Variants in DPP6 observed in about 807,000 individuals in gnomAD.
The protein encoded by DPP6 is A-type potassium channel modulatory protein DPP6.
Under a neutral mutation model 122.6 loss-of-function variants are expected in DPP6, and 69 were observed. The observed-to-expected ratio is 0.56, with a 90% CI of 0.46 to 0.69. The LOEUF (loss-of-function observed/expected upper bound fraction) is 0.69, where lower values mean the gene tolerates loss of function less well. Among genes scored for constraint, DPP6 ranks in the 30% least tolerant of loss-of-function variants. DPP6 has a pLI of 0.00. For missense variants in DPP6, 928 were observed against 1,116.9 expected, an observed-to-expected ratio of 0.83 and a Z score of 2.41; for synonymous variants, 418 against 433.1, an observed-to-expected ratio of 0.97 and a Z score of 0.43.
chr7:154,022,232 G>A (rs572920746), intron 1 of DPP6, among the ~76,000 whole-genome samples: 2 of 152,264 alleles, frequency 1.3e-5, no homozygotes, highest in East Asian at 1.9e-4. Context: ...AAATTATTAT[G>A]AGTTGTCACC....
At chr7:154,106,925 G>A in intron 1 of DPP6, among the ~76,000 whole-genome samples, 1 of 152,092 alleles carries the variant, frequency 6.6e-6, no homozygotes, top group Non-Finnish European at 1.5e-5. Flanking sequence ...AGTGAATGTG[G>A]ACCATAACAA....
chr7:154,787,581 TA>T (rs1427506529), intron 10 of DPP6, among the ~76,000 whole-genome samples: 1 of 152,196 alleles, frequency 6.6e-6, no homozygotes, highest in African/African-American at 2.4e-5. Context: ...TATTTCTTCT[TA>T]TATGCGAACT....
At chr7:154,634,848 G>A (rs1402965407) in intron 5 of DPP6, among the ~76,000 whole-genome samples, 1 of 152,178 alleles carries the variant, frequency 6.6e-6, no homozygotes, top group Non-Finnish European at 1.5e-5. Context: ...AAAGATGAAT[G>A]TAAAGATGTA....
intron 1 of DPP6, among the ~76,000 whole-genome samples, chr7:154,043,227 C>T (rs909944216): frequency 6.6e-6 from 1 of 151,772 alleles, no homozygotes; most frequent in Non-Finnish European, 1.5e-5. Flanking sequence ...GTCTCTACCC[C>T]AGCTAAAAAT....
intron 1 of DPP6, among the ~76,000 whole-genome samples, chr7:154,120,411 A>T (rs1383207002): frequency 6.6e-6 from 1 of 151,612 alleles, no homozygotes; most frequent in South Asian, 2.1e-4. Flanking sequence ...TGCCCAGCTA[A>T]TTTTTTTTAT....
chr7:153,928,497 C>T (rs1448594317), intron 1 of DPP6, among the ~76,000 whole-genome samples: 2 of 148,020 alleles, frequency 1.4e-5, no homozygotes, highest in Non-Finnish European at 3.0e-5. Flanking sequence ...CCACCTCAGC[C>T]TCCCAAAGCA....
intron 1 of DPP6, among the ~76,000 whole-genome samples, chr7:154,362,394 T>A (rs778017021): frequency 2.6e-5 from 4 of 152,090 alleles, no homozygotes; most frequent in Non-Finnish European, 4.4e-5. Context: ...TACCACTGCC[T>A]CCCTAGCAAT....
At chr7:154,816,745 A>G (rs902410893) in intron 16 of DPP6, among the ~76,000 whole-genome samples, 5 of 152,226 alleles carry the variant, frequency 3.3e-5, no homozygotes, top group African/African-American at 1.2e-4. Flanking sequence ...AAGTCAATGA[A>G]GCAGCATCCC....
At chr7:154,705,367 C>A (rs1563123383) in intron 7 of DPP6, among the ~76,000 whole-genome samples, 3 of 152,166 alleles carry the variant, frequency 2.0e-5, no homozygotes, top group Non-Finnish European at 4.4e-5. Context: ...TCCTGCTTTC[C>A]CTTTTCTGTA....
chr7:154,558,113 C>A (rs528329721), intron 4 of DPP6, among the ~76,000 whole-genome samples: 8 of 152,114 alleles, frequency 5.3e-5, no homozygotes, highest in South Asian at 2.1e-4. Flanking sequence ...TCCACCCCCC[C>A]ACAGGCCCCA....
In DPP6 at chr7:154,625,530, G is replaced by A. The variant is rs140127379; in HGVS notation, c.628-12291G>A. On this transcript the variant is annotated intron_variant, in intron 5 of 25. Transcript: ENST00000377770. The stretch of plus-strand genomic sequence containing the variant: ...TGTCTTTGTATGGTTGTAATTAAGC[G>A]CCAAATGATGTCCTCCATTCCCTTA... Among the ~76,000 whole-genome samples, 72 of 152,294 alleles carry A rather than the reference G, an allele frequency of 4.7e-4. 2 individuals carry two copies. The East Asian group carries it at 0.013, about 27-fold the overall frequency.
chr7:154,838,512 G>A (rs981388284), intron 16 of DPP6: 4 of 152,248 alleles, frequency 2.6e-5, no homozygotes, highest in African/African-American at 7.2e-5. Flanking sequence ...AAGAGCCACC[G>A]TGGAATAGCA....
chr7:154,142,841 C>T (rs1209208387), intron 1 of DPP6, among the ~76,000 whole-genome samples: 3 of 140,736 alleles, frequency 2.1e-5, no homozygotes, highest in Non-Finnish European at 4.6e-5. Context: ...TGGGGAAAAA[C>T]AGAGTTGTCT....
At position 154,827,154 on chromosome 7, in the gene DPP6, G is replaced by A. The variant is rs1198566780; in HGVS notation, c.1666+20042G>A. On this transcript the variant is annotated intron_variant, in intron 16 of 25. Transcript: ENST00000377770. ...AAACTATTTTTAAATCAGATGTTAC[G>A]GGCATATGAGATACATAATCTACAC... 3.3e-5 allele frequency among the ~76,000 whole-genome samples: 5 copies of A among 149,924 alleles called. No individual in the cohort carries two copies. The East Asian group carries it at 5.8e-4, about 18-fold the overall frequency.
the DPP6 span, among the ~76,000 whole-genome samples, chr7:153,853,902 G>A: frequency 4.7e-5 from 7 of 149,504 alleles, no homozygotes; most frequent in Non-Finnish European, 8.9e-5. Flanking sequence ...TTGGTGTTTT[G>A]GACATGAAGT....
chr7:154,676,610 C>G (rs1408094400), intron 7 of DPP6, among the ~76,000 whole-genome samples: 5 of 152,264 alleles, frequency 3.3e-5, no homozygotes, highest in Non-Finnish European at 7.3e-5. Context: ...GATTGCTACA[C>G]CCTCTCAAGC....
At chr7:154,659,916 AT>A (rs1563071247) in intron 6 of DPP6, among the ~76,000 whole-genome samples, 1 of 152,256 alleles carries the variant, frequency 6.6e-6, no homozygotes, top group Non-Finnish European at 1.5e-5. Context: ...TTTCATGACC[AT>A]TCTGTAGGAC....
chr7:154,219,658 C>T (rs1800193485), intron 1 of DPP6, among the ~76,000 whole-genome samples: 1 of 152,044 alleles, frequency 6.6e-6, no homozygotes, highest in African/African-American at 2.4e-5. Context: ...ATGATCTTGG[C>T]TCCTGCAACC....
At chr7:154,783,566 C>T (rs543274909) in intron 10 of DPP6, among the ~76,000 whole-genome samples, 5 of 152,316 alleles carry the variant, frequency 3.3e-5, no homozygotes, top group East Asian at 1.9e-4. Context: ...GAGGCATGGA[C>T]GCCTCCCATC....
Sources: gnomAD v4.1 joint callset for allele counts (sites outside exome capture counted in the v4.1 genomes callset) on GRCh38, gnomAD v4.1.1 for gene constraint, MANE v1.5 for transcripts, NCBI Gene and HGNC (gene_info 2026-07-23, HGNC 2026-07-21) for gene names.